The following WFDC8 variants were observed in gnomAD, a reference collection of about 807,000 sequenced individuals.
WFDC8 encodes WAP four-disulfide core domain 8.
Under a neutral mutation model 27.0 loss-of-function variants are expected in WFDC8, and 24 were observed. The ratio of observed to expected loss-of-function variants is 0.89; its 90% confidence interval spans 0.64 to 1.25. WFDC8 has a LOEUF of 1.25. Ranked by LOEUF, WFDC8 falls within the 50% of genes most tolerant of loss-of-function variation. The probability of loss-of-function intolerance (pLI) is 0.00; values close to 1 mark genes in which losing one functional copy is unlikely to be tolerated. For synonymous variants in WFDC8, 106 were observed against 99.7 expected (o/e 1.06, Z -0.38); for missense variants, 287 against 295.9 (o/e 0.97, Z 0.22).
At chr20:45,557,320 C>T (rs1201765387) in intron 3 of WFDC8, among the ~76,000 whole-genome samples, 1 of 152,184 alleles carries the variant, frequency 6.6e-6, no homozygotes, top group African/African-American at 2.4e-5. Context: ...AATCCTGAAG[C>T]ATGGATTTGT....
At chr20:45,570,610 C>T (rs1234174147) in intron 1 of WFDC8, among the ~76,000 whole-genome samples, 1 of 152,088 alleles carries the variant, frequency 6.6e-6, no homozygotes, top group Non-Finnish European at 1.5e-5. Context: ...GAATGAAGCC[C>T]ATACAAACAT....
intron 1 of WFDC8, among the ~76,000 whole-genome samples, chr20:45,577,513 C>T (rs1981085145): frequency 6.7e-6 from 1 of 149,940 alleles, no homozygotes; most frequent in African/African-American, 2.4e-5. Flanking sequence ...ATTCTCCTGC[C>T]TCAGACTCCC....
chr20:45,575,145 G>A (rs976497339), intron 1 of WFDC8, among the ~76,000 whole-genome samples: 1 of 152,014 alleles, frequency 6.6e-6, no homozygotes, highest in African/African-American at 2.4e-5. Flanking sequence ...ACTTTTAATC[G>A]ACATAGTACT....
At position 45,559,041 on chromosome 20, in the gene WFDC8, T is replaced by C. The variant is rs748365291; in HGVS notation, c.137-49A>G. 1.1e-5 allele frequency: 17 copies of C among 1,607,692 alleles called. No homozygotes were observed. The South Asian group carries it at 1.6e-4, about 15-fold the overall frequency. Reference sequence around the variant, plus strand: ...TCACATTCTTTCGGAATTTCAGCTCTTTTTCTCCTATGGCAAAGGTGTGTA... The same window carrying C: ...TCACATTCTTTCGGAATTTCAGCTCCTTTTCTCCTATGGCAAAGGTGTGTA... On this transcript the variant is annotated intron_variant, in intron 2 of 5. Coordinates refer to ENST00000289953, the MANE Select transcript of WFDC8 (RefSeq NM_130896.3).
intron 4 of WFDC8, among the ~76,000 whole-genome samples, chr20:45,554,099 A>G (rs760264599): frequency 6.6e-6 from 1 of 152,096 alleles, no homozygotes; most frequent in African/African-American, 2.4e-5. Flanking sequence ...TACCTCCTCA[A>G]GTGATCTTCC....
chr20:45,555,996 A>G (rs1458082356), intron 3 of WFDC8, 128 bp from the exon 4 acceptor site: 4 of 902,100 alleles, frequency 4.4e-6, no homozygotes, highest in Non-Finnish European at 6.7e-6. Flanking sequence ...GGCAGGGGAA[A>G]AAAAAAGGCA....
intron 1 of WFDC8, among the ~76,000 whole-genome samples, chr20:45,575,226 A>C (rs1383715283): frequency 6.6e-6 from 1 of 152,218 alleles, no homozygotes; most frequent in Non-Finnish European, 1.5e-5. Flanking sequence ...AAAGCGACGA[A>C]ATTGCCTCTG....
chr20:45,558,980 A>T lies in WFDC8; in HGVS notation c.149T>A (p.Leu50Ter). 6.2e-7 allele frequency: 1 copy of T among 1,613,854 alleles called. No individual in the cohort carries two copies. ...LTKKIKHKPG[L>*]CPKERLTCTT... is the part of the protein sequence containing the mutation. Reference sequence around the variant, plus strand: ...ACAGGTGAGCCTCTCTTTGGGACATAACCCTGGTTTGTCTGCAAGAAAGAA... The same window carrying T: ...ACAGGTGAGCCTCTCTTTGGGACATTACCCTGGTTTGTCTGCAAGAAAGAA... Residue 50 changes from leucine (L) to a stop codon, truncating the protein, a stop_gained, in exon 3 of 6, where the codon TTA (leucine) becomes TAA (stop). Coordinates refer to ENST00000289953, the MANE Select transcript of WFDC8 (RefSeq NM_130896.3). LOFTEE classifies it high-confidence loss of function.
In WFDC8 at chr20:45,551,784, C is replaced by A. The variant is rs1980043259; in HGVS notation, c.*242G>T. 2.6e-6 allele frequency: 1 copy of A among 383,426 alleles called. No homozygotes were observed. Among genetic ancestry groups the A allele is most frequent in the Non-Finnish European group, 4.6e-6 (1 of 216,736 alleles). The allele number at this position is 383,426 out of a possible 1,614,324, so 23.8% of individuals were successfully genotyped here. On this transcript the variant is annotated 3_prime_UTR_variant, in exon 6 of 6. Transcript: ENST00000289953. Reference sequence around the variant, plus strand: ...GGATGGATGCCATTGCCTTTATTTTCATTATTATTTTGGAGGTTCTACACA... The same window carrying A: ...GGATGGATGCCATTGCCTTTATTTTAATTATTATTTTGGAGGTTCTACACA...
chr20:45,557,724 T>A (rs1407080379), intron 3 of WFDC8, among the ~76,000 whole-genome samples: 3 of 152,198 alleles, frequency 2.0e-5, no homozygotes, highest in Non-Finnish European at 4.4e-5. Flanking sequence ...TGAGCCACCG[T>A]GCCCAGCCAA....
In WFDC8 at chr20:45,579,275, C is replaced by T. The variant is rs1021973217; in HGVS notation, c.-28G>A. The T allele has an allele frequency of 2.5e-6, 4 of 1,613,884 alleles. 1 individual carries two copies. In the Middle Eastern group the frequency reaches 6.6e-4, roughly 266 times the overall value. The stretch of plus-strand genomic sequence containing the variant: ...GGCCTCTTCCCTATGGAGACAGCTT[C>T]CTCACTTTGCTCCAGCTCTAAGGCT... On this transcript the variant is annotated 5_prime_UTR_variant, in exon 1 of 6. Coordinates refer to ENST00000289953, the MANE Select transcript of WFDC8 (RefSeq NM_130896.3).
intron 1 of WFDC8, among the ~76,000 whole-genome samples, chr20:45,572,509 T>G (rs1600899582): frequency 6.6e-6 from 1 of 152,314 alleles, no homozygotes. Context: ...GATACCTCAT[T>G]GTGATTTTAA....
chr20:45,567,822 A>G (rs1371795449), intron 1 of WFDC8, among the ~76,000 whole-genome samples: 2 of 152,162 alleles, frequency 1.3e-5, no homozygotes, highest in Non-Finnish European at 2.9e-5. Context: ...TAGCTAAATC[A>G]TTTTTACCTT....
At chr20:45,568,680 C>A in intron 1 of WFDC8, 1 of 536,196 alleles carries the variant, frequency 1.9e-6, no homozygotes, top group South Asian at 1.4e-5. Context: ...AGCAGGTGAA[C>A]CACAAAAGTC....
At position 45,553,118 on chromosome 20, in the gene WFDC8, T is replaced by C. The variant is rs1980101533; in HGVS notation, c.586+18A>G. 1 of 1,604,082 alleles carries C rather than the reference T, an allele frequency of 6.2e-7. No individual in the cohort carries two copies. The highest frequency in any genetic ancestry group is 1.1e-5 in the South Asian group (1 of 89,066). ...GCACATGCCCAATAGATTTGGGAGG[T>C]ATATCCCCAATCCTTACCTGTCCAG... On this transcript the variant is annotated intron_variant, in intron 5 of 5. Transcript: ENST00000289953.
chr20:45,564,410 G>A (rs949489332), intron 1 of WFDC8, among the ~76,000 whole-genome samples: 17 of 152,154 alleles, frequency 1.1e-4, no homozygotes, highest in Admixed American at 5.2e-4. Context: ...GGTGGCTCAC[G>A]CCTGTAATCC....
At chr20:45,555,445 T>C (rs1980203605) in intron 4 of WFDC8, among the ~76,000 whole-genome samples, 1 of 152,208 alleles carries the variant, frequency 6.6e-6, no homozygotes, top group Non-Finnish European at 1.5e-5. Flanking sequence ...CCAAGATCTA[T>C]TAACATTTTC....
Position 45,562,167 on chromosome 20 carries a change from G to T in WFDC8, c.79C>A (p.Leu27Met). 1 of 1,614,200 alleles carries T rather than the reference G, an allele frequency of 6.2e-7. No homozygotes were observed. The highest frequency in any genetic ancestry group is 8.5e-7 in the Non-Finnish European group (1 of 1,180,018). The change falls in exon 2 of 6, where the codon CTG becomes ATG. Residue 27 changes from leucine (L) to methionine (M), a missense_variant. Physicochemically the swap from Leu to Met is conservative, Grantham distance 15. Transcript: ENST00000289953. ...TFSWRNVAFL[L>M]LLSLALEWTS... ...CACTCCAAAGCAAGGGAGAGAAGCA[G>T]CAGGAAAGCTACATTCCTCCAGGAG...
intron 4 of WFDC8, among the ~76,000 whole-genome samples, chr20:45,554,353 C>A (rs1568993327): frequency 6.6e-6 from 1 of 152,018 alleles, no homozygotes; most frequent in African/African-American, 2.4e-5. Context: ...GCAAGTTCAA[C>A]ATGAGATGTT....
Sources: allele counts gnomAD v4.1 joint callset (sites outside exome capture counted in the v4.1 genomes callset), GRCh38; gene constraint gnomAD v4.1.1; transcripts MANE v1.5; gene names NCBI Gene and HGNC (gene_info 2026-07-23, HGNC 2026-07-21).